The following BAIAP2 variants were observed in gnomAD, a reference collection of about 807,000 sequenced individuals.
BAIAP2 encodes the protein BAR/IMD domain-containing adapter protein 2.
In BAIAP2, 18 loss-of-function variants were observed where a neutral mutation model predicts 63.0. The observed-to-expected ratio is 0.29, with a 90% CI of 0.20 to 0.42. The LOEUF is 0.42. BAIAP2 is among the 10% of genes least tolerant of loss of function. BAIAP2 has a pLI of 1.00. For synonymous variants in BAIAP2, 386 were observed against 307.6 expected (o/e 1.25, Z -2.67); for missense variants, 610 against 734.3 (o/e 0.83, Z 1.96).
At position 81,110,572 on chromosome 17, in the gene BAIAP2, G is replaced by T. The variant is rs1386742654; in HGVS notation, c.1535+2063G>T. 3 of 1,175,318 alleles carry T rather than the reference G, an allele frequency of 2.6e-6. No homozygotes were observed. In the South Asian group the frequency reaches 1.0e-4, roughly 40 times the overall value. 72.8% of individuals were successfully genotyped at this position (1,175,318 alleles called of 1,614,324 possible). ...CGTGCGTCTTTGCCGTGGGGGCCCC[G>T]CCTTGTGCCCACCTCTGCCAGGTAT... On this transcript the variant is annotated intron_variant, in intron 13 of 13. Coordinates refer to ENST00000428708, the MANE Select transcript of BAIAP2 (RefSeq NM_001144888.2).
chr17:81,103,962 G>T lies in BAIAP2; in HGVS notation c.920G>T (p.Gly307Val). ...PIMNGVTGPDGEDYSPWADRK... is the reference protein window; with the variant it reads ...PIMNGVTGPDVEDYSPWADRK... ...ATGAACGGCGTCACAGGCCCGGATG[G>T]CGAGGACTACAGCCCGTGGGCTGAC... Residue 307 changes from glycine to valine, a missense_variant, in exon 9 of 14, where the codon GGC becomes GTC. Transcript: ENST00000428708. The T allele has an allele frequency of 2.5e-6, 4 of 1,613,064 alleles. No individual in the cohort carries two copies. The highest frequency in any genetic ancestry group is 3.4e-6 in the Non-Finnish European group (4 of 1,180,028).
chr17:81,102,613 C>T (rs1352106333), intron 7 of BAIAP2, among the ~76,000 whole-genome samples: 1 of 152,222 alleles, frequency 6.6e-6, no homozygotes, highest in Non-Finnish European at 1.5e-5. Flanking sequence ...TGGTCTGAGC[C>T]AGCAGCAGAG....
chr17:81,067,515 G>T (rs1432796961), intron 3 of BAIAP2, among the ~76,000 whole-genome samples: 1 of 152,222 alleles, frequency 6.6e-6, no homozygotes, highest in African/African-American at 2.4e-5. Context: ...ATTAGCAGCC[G>T]TCCTGATTGG....
chr17:81,116,480 T>C lies in BAIAP2; in HGVS notation c.*641T>C, dbSNP rs1377597047. Reference sequence around the variant, plus strand: ...TCGGGCAGGCCCCAGCCCTCCTCCTTACCCAACCTCCCATCCAGAACCTTG... The same window carrying C: ...TCGGGCAGGCCCCAGCCCTCCTCCTCACCCAACCTCCCATCCAGAACCTTG... On this transcript the variant is annotated 3_prime_UTR_variant, in exon 14 of 14. Coordinates refer to ENST00000428708, the MANE Select transcript of BAIAP2 (RefSeq NM_001144888.2). 28 of 744,558 alleles carry C rather than the reference T, an allele frequency of 3.8e-5. No individual in the cohort carries two copies. Among genetic ancestry groups the C allele is most frequent in the Non-Finnish European group, 5.4e-5 (26 of 478,556 alleles). The allele number at this position is 744,558 out of a possible 1,614,324, so 46.1% of individuals were successfully genotyped here.
chr17:81,062,688 CTTT>C lies in BAIAP2; in HGVS notation c.217+4735_217+4737del, dbSNP rs36092037. Reference sequence around the variant, plus strand: ...ATTTGGGGAATTGTCTTTTTCTTTCCTTTTTTTTTTTTTTTTCGGTTAGGTTTC... The same window carrying C: ...ATTTGGGGAATTGTCTTTTTCTTTCCTTTTTTTTTTTTTCGGTTAGGTTTC... On this transcript the variant is annotated intron_variant, in intron 3 of 13. Coordinates refer to ENST00000428708, the MANE Select transcript of BAIAP2 (RefSeq NM_001144888.2). 2.6e-3 allele frequency among the ~76,000 whole-genome samples: 351 copies of C among 133,454 alleles called. 1 individual carries two copies. Among genetic ancestry groups the C allele is most frequent in the African/African-American group, 7.4e-3 (262 of 35,630 alleles). 87.6% of individuals were successfully genotyped at this position (133,454 alleles called of 152,430 possible). A position where few individuals can be genotyped will look rare whatever the true frequency, so the allele number is the denominator to read the frequency against.
At chr17:81,067,891 A>C (rs564203244) in intron 3 of BAIAP2, among the ~76,000 whole-genome samples, 2 of 152,330 alleles carry the variant, frequency 1.3e-5, no homozygotes, top group Non-Finnish European at 1.5e-5. Context: ...TACTGTCACC[A>C]GTGCTCCCTA....
intron 3 of BAIAP2, among the ~76,000 whole-genome samples, chr17:81,069,324 G>A (rs1598618601): frequency 2.0e-5 from 3 of 152,334 alleles, no homozygotes; most frequent in East Asian, 3.9e-4. Context: ...GCCAGAGCAC[G>A]CACGCGGGCA....
intron 7 of BAIAP2, among the ~76,000 whole-genome samples, chr17:81,100,989 G>T (rs917327505): frequency 6.6e-6 from 1 of 152,180 alleles, no homozygotes; most frequent in African/African-American, 2.4e-5. Context: ...CCCGTCATCT[G>T]TTGAGGGCCC....
At position 81,096,539 on chromosome 17, in the gene BAIAP2, TGTTG is replaced by T. The variant is rs2057643722; in HGVS notation, c.490-3386_490-3383del. The stretch of plus-strand genomic sequence containing the variant: ...CAGGCGGCCTTGGAACAGGCCTGGG[TGTTG>T]GTCTGAGTGGTGTTGCAGGGGCATG... On this transcript the variant is annotated intron_variant, in intron 6 of 13. Coordinates refer to ENST00000428708, the MANE Select transcript of BAIAP2 (RefSeq NM_001144888.2). Among the ~76,000 whole-genome samples the T allele has an allele frequency of 2.7e-5, 4 of 149,820 alleles. No homozygotes were observed. In the South Asian group the frequency reaches 8.6e-4, roughly 32 times the overall value.
At chr17:81,101,820 G>A (rs117260248) in intron 7 of BAIAP2, among the ~76,000 whole-genome samples, 4,079 of 152,344 alleles carry the variant, frequency 0.027, 72 homozygotes, top group South Asian at 0.047. Flanking sequence ...AGGCAGCCTC[G>A]CTGCTGAAGG....
In BAIAP2 at chr17:81,113,514, G is replaced by T. The variant is rs868327286; in HGVS notation, c.1536-2256G>T. 2.8e-4 allele frequency among the ~76,000 whole-genome samples: 42 copies of T among 152,184 alleles called. 1 individual carries two copies. The highest frequency in any genetic ancestry group is 2.7e-3 in the Admixed American group (42 of 15,290). ...CTGGGCGCGTCTTTCCCAGACAGCT[G>T]GGGGGTGGGGGCCAGGGTGGGGAAA... is the stretch of plus-strand genomic sequence containing the variant. On this transcript the variant is annotated intron_variant, in intron 13 of 13. Transcript: ENST00000428708.
intron 3 of BAIAP2, among the ~76,000 whole-genome samples, chr17:81,062,244 C>T (rs540061759): frequency 9.2e-5 from 14 of 152,228 alleles, no homozygotes; most frequent in Middle Eastern, 3.4e-3. Context: ...AGCCATCGCA[C>T]CCAGATCTGT....
intron 6 of BAIAP2, among the ~76,000 whole-genome samples, chr17:81,094,535 C>T (rs9906368): frequency 0.22 from 33,964 of 152,122 alleles, 3,991 homozygotes; most frequent in Non-Finnish European, 0.25. Flanking sequence ...TTCCACCTGC[C>T]ACCGGGGCCA....
At chr17:81,054,906 C>T (rs1468525669) in intron 2 of BAIAP2, among the ~76,000 whole-genome samples, 1 of 152,154 alleles carries the variant, frequency 6.6e-6, no homozygotes, top group Non-Finnish European at 1.5e-5. Context: ...TTGGCTGAGT[C>T]CTGCCATGGA....
intron 1 of BAIAP2, among the ~76,000 whole-genome samples, chr17:81,051,898 C>G (rs531649214): frequency 6.6e-6 from 1 of 152,292 alleles, no homozygotes; most frequent in East Asian, 1.9e-4. Context: ...CCACGTTGCC[C>G]AGGCCGGTCT....
intron 3 of BAIAP2, among the ~76,000 whole-genome samples, chr17:81,070,770 C>T (rs1324242994): frequency 6.6e-6 from 1 of 152,198 alleles, no homozygotes; most frequent in East Asian, 1.9e-4. Context: ...GACCCGGGAG[C>T]CCCCGTCTGC....
At position 81,116,658 on chromosome 17, in the gene BAIAP2, G is replaced by A. The variant is rs990865148; in HGVS notation, c.*819G>A. ...GGGTGGACCTCCCCCCCCCACCTCC[G>A]CTGACTCCTGCAGGCACTGGGGAGC... is the stretch of plus-strand genomic sequence containing the variant. On this transcript the variant is annotated 3_prime_UTR_variant, in exon 14 of 14. Transcript: ENST00000428708. 31 of 349,754 alleles carry A rather than the reference G, an allele frequency of 8.9e-5. No homozygotes were observed. Among genetic ancestry groups the A allele is most frequent in the Admixed American group, 1.6e-4 (4 of 24,480 alleles). The allele number at this position is 349,754 out of a possible 1,614,324, so 21.7% of individuals were successfully genotyped here. A position where few individuals can be genotyped will look rare whatever the true frequency, so the allele number is the denominator to read the frequency against.
At chr17:81,055,721 A>G (rs914693088) in intron 2 of BAIAP2, among the ~76,000 whole-genome samples, 5 of 151,568 alleles carry the variant, frequency 3.3e-5, no homozygotes, top group East Asian at 1.9e-4. Context: ...GCCTGCCACC[A>G]CGCCCGGCTA....
intron 6 of BAIAP2, chr17:81,098,180 C>T (rs1036607320): frequency 6.2e-6 from 9 of 1,453,326 alleles, no homozygotes; most frequent in African/African-American, 4.3e-5. Flanking sequence ...CTTCCACCTA[C>T]AGCCCTGTTG....
Sources: gnomAD v4.1 joint callset for allele counts (sites outside exome capture counted in the v4.1 genomes callset) on GRCh38, gnomAD v4.1.1 for gene constraint, MANE v1.5 for transcripts, NCBI Gene and HGNC (gene_info 2026-07-23, HGNC 2026-07-21) for gene names.